GNAZ: variants seen among roughly 807,000 people sequenced by gnomAD.
The protein encoded by GNAZ is guanine nucleotide-binding protein G(z) subunit alpha.
GNAZ carries 3 observed loss-of-function variants against 25.4 expected under a neutral mutation model. The observed-to-expected ratio is 0.12, with a 90% CI of 0.05 to 0.30. GNAZ has a LOEUF of 0.30. Among genes scored for constraint, GNAZ ranks in the 10% least tolerant of loss-of-function variants. The pLI, the probability that GNAZ is intolerant of heterozygous loss-of-function variation, is 1.00. For synonymous variants in GNAZ, 211 were observed against 205.7 expected (o/e 1.03, Z -0.22); for missense variants, 241 against 501.8 (o/e 0.48, Z 4.97).
At chr22:23,119,199 C>T (rs574413797) in intron 2 of GNAZ, among the ~76,000 whole-genome samples, 118 of 152,336 alleles carry the variant, frequency 7.7e-4, no homozygotes, top group Middle Eastern at 6.8e-3. Flanking sequence ...GTGCAGGCAC[C>T]GCTGTGACAC....
intron 1 of GNAZ, among the ~76,000 whole-genome samples, chr22:23,072,967 C>T (rs1259014960): frequency 1.3e-5 from 2 of 152,184 alleles, no homozygotes; most frequent in Admixed American, 1.3e-4. Flanking sequence ...CTGCCCAGGG[C>T]CCCCGCAGAG....
intron 2 of GNAZ, among the ~76,000 whole-genome samples, chr22:23,116,001 G>C (rs185038960): frequency 6.6e-6 from 1 of 152,226 alleles, no homozygotes; most frequent in African/African-American, 2.4e-5. Context: ...AAGGTGCCGC[G>C]CATGTGCCAG....
At chr22:23,081,169 T>C (rs2068666953) in intron 1 of GNAZ, among the ~76,000 whole-genome samples, 1 of 152,174 alleles carries the variant, frequency 6.6e-6, no homozygotes, top group Admixed American at 6.6e-5. Context: ...AACCACGAGT[T>C]TGGGGACAAG....
intron 2 of GNAZ, among the ~76,000 whole-genome samples, chr22:23,109,473 T>C (rs2069581584): frequency 6.6e-6 from 1 of 151,778 alleles, no homozygotes; most frequent in African/African-American, 2.4e-5. Flanking sequence ...AGGAGAGGGG[T>C]GGGTGCTGAG....
intron 2 of GNAZ, among the ~76,000 whole-genome samples, chr22:23,098,416 G>T (rs1034299736): frequency 6.6e-6 from 1 of 152,198 alleles, no homozygotes; most frequent in Non-Finnish European, 1.5e-5. Context: ...GCCCCTGTGG[G>T]GCCTCACATC....
At chr22:23,113,094 C>T (rs889371900) in intron 2 of GNAZ, among the ~76,000 whole-genome samples, 2 of 152,142 alleles carry the variant, frequency 1.3e-5, no homozygotes, top group African/African-American at 4.8e-5. Context: ...CCTGCCCCTG[C>T]GGCTGACCCT....
intron 2 of GNAZ, 144 bp downstream of exon 2, chr22:23,096,562 G>A: frequency 1.2e-6 from 1 of 844,494 alleles, no homozygotes; most frequent in Non-Finnish European, 1.9e-6. Context: ...AACTGAGGCA[G>A]CTCCAGCAAG....
At chr22:23,081,961 T>C (rs2068691545) in intron 1 of GNAZ, among the ~76,000 whole-genome samples, 1 of 148,962 alleles carries the variant, frequency 6.7e-6, no homozygotes, top group South Asian at 2.2e-4. Context: ...TCATCTCTAC[T>C]AAAAATACAA....
intron 1 of GNAZ, among the ~76,000 whole-genome samples, chr22:23,085,436 C>A (rs1264872614): frequency 6.6e-6 from 1 of 152,176 alleles, no homozygotes; most frequent in South Asian, 2.1e-4. Context: ...GGTTGAGTGA[C>A]TGATCAGTTG....
intron 2 of GNAZ, among the ~76,000 whole-genome samples, chr22:23,110,549 C>T (rs376649897): frequency 2.0e-5 from 3 of 152,218 alleles, no homozygotes; most frequent in South Asian, 2.1e-4. Flanking sequence ...AGGGTACCCT[C>T]GCTACCAGAG....
intron 1 of GNAZ, among the ~76,000 whole-genome samples, chr22:23,073,072 G>A (rs1413010197): frequency 6.6e-6 from 1 of 152,242 alleles, no homozygotes; most frequent in African/African-American, 2.4e-5. Context: ...TCCTCCCCTG[G>A]AGGCAAGGAA....
intron 1 of GNAZ, among the ~76,000 whole-genome samples, chr22:23,093,478 C>T (rs962559679): frequency 6.6e-6 from 1 of 152,174 alleles, no homozygotes; most frequent in African/African-American, 2.4e-5. Context: ...GTAGGGGCGA[C>T]GGCAGCACAC....
chr22:23,083,687 G>C (rs555760519), intron 1 of GNAZ, among the ~76,000 whole-genome samples: 1 of 152,300 alleles, frequency 6.6e-6, no homozygotes, highest in South Asian at 2.1e-4. Context: ...ATGTGGTCAG[G>C]GAAGGTGCCT....
chr22:23,112,702 T>A (rs565397894), intron 2 of GNAZ, among the ~76,000 whole-genome samples: 1 of 152,182 alleles, frequency 6.6e-6, no homozygotes, highest in African/African-American at 2.4e-5. Context: ...GTAAGCACGA[T>A]GCAGCTGCGA....
At chr22:23,116,689 T>A (rs914552005) in intron 2 of GNAZ, among the ~76,000 whole-genome samples, 8 of 152,166 alleles carry the variant, frequency 5.3e-5, no homozygotes, top group African/African-American at 1.9e-4. Flanking sequence ...AGGCCCTGGA[T>A]GAGCCTCTCA....
rs1023987639 is a variant in GNAZ, at chr22:23,071,752, G to A, written c.-450+1182G>A. Among the ~76,000 whole-genome samples, 6 of 152,208 alleles carry A rather than the reference G, an allele frequency of 3.9e-5. No homozygotes were observed. The highest frequency in any genetic ancestry group is 7.3e-5 in the Non-Finnish European group (5 of 68,040). ...TCAGAGTGGTGTCCTGGGCTGGGGG[G>A]TCAGGTGAGCTCGTGGGCAACATGA... On this transcript the variant is annotated intron_variant, in intron 1 of 2. Transcript: ENST00000615612. The surrounding 1 kb of genome is among the most constrained non-coding windows in gnomAD (Gnocchi z 4.1).
rs751663346 is a variant in GNAZ, at chr22:23,123,473, G to A, written c.*42G>A. On this transcript the variant is annotated 3_prime_UTR_variant, in exon 3 of 3. Transcript: ENST00000615612. ...CCCGCCTGCCTATGGTGAAACCCAC[G>A]GGGTGTCATGCCCCAACGCGTGCTA... The A allele has an allele frequency of 4.7e-5, 63 of 1,353,066 alleles. No individual in the cohort carries two copies. The highest frequency in any genetic ancestry group is 1.1e-4 in the South Asian group (9 of 80,918). 83.8% of individuals were successfully genotyped at this position (1,353,066 alleles called of 1,614,324 possible).
At chr22:23,088,907 A>T (rs538050772) in intron 1 of GNAZ, among the ~76,000 whole-genome samples, 2 of 152,258 alleles carry the variant, frequency 1.3e-5, no homozygotes, top group East Asian at 3.9e-4. Flanking sequence ...AGTGGCTTCT[A>T]TTGGGCCTCA....
chr22:23,079,021 C>T (rs2146264445), intron 1 of GNAZ, among the ~76,000 whole-genome samples: 1 of 152,338 alleles, frequency 6.6e-6, no homozygotes, highest in Non-Finnish European at 1.5e-5. Context: ...CGATTCCTCA[C>T]TCAGTCACTA....
Sources: allele counts gnomAD v4.1 joint callset (sites outside exome capture counted in the v4.1 genomes callset), GRCh38; gene constraint gnomAD v4.1.1; non-coding constraint Gnocchi (gnomAD v3.1); transcripts MANE v1.5; gene names NCBI Gene and HGNC (gene_info 2026-07-23, HGNC 2026-07-21).